UNC5C: variants seen among roughly 807,000 people sequenced by gnomAD.
UNC5C encodes the protein netrin receptor UNC5C.
In UNC5C, 47 loss-of-function variants were observed where a neutral mutation model predicts 99.8. The observed-to-expected ratio is 0.47, with a 90% CI of 0.37 to 0.60. The LOEUF (loss-of-function observed/expected upper bound fraction) is 0.60, where lower values mean the gene tolerates loss of function less well. UNC5C is among the 20% of genes least tolerant of loss of function. The pLI, the probability that UNC5C is intolerant of heterozygous loss-of-function variation, is 0.00. For synonymous variants in UNC5C, 487 were observed against 452.2 expected (o/e 1.08, Z -0.98); for missense variants, 1,062 against 1,165.9 (o/e 0.91, Z 1.30).
chr4:95,184,334 C>CCAGTT (rs573817514), intron 13 of UNC5C, among the ~76,000 whole-genome samples: 152 of 152,280 alleles, frequency 1.0e-3, no homozygotes, highest in African/African-American at 3.4e-3. Flanking sequence ...GAAATAGCTA[C>CCAGTT]CAGTTCAGAG....
At chr4:95,337,315 C>T (rs1422837061) in intron 1 of UNC5C, among the ~76,000 whole-genome samples, 1 of 151,984 alleles carries the variant, frequency 6.6e-6, no homozygotes, top group Non-Finnish European at 1.5e-5. Context: ...TATAATAAAT[C>T]TTTCAGCCAT....
chr4:95,238,562 ATTG>A lies in UNC5C; in HGVS notation c.1108+3864_1108+3866del, dbSNP rs906812086. 3.3e-5 allele frequency among the ~76,000 whole-genome samples: 5 copies of A among 152,258 alleles called. No homozygotes were observed. The South Asian group carries it at 6.2e-4, about 19-fold the overall frequency. On this transcript the variant is annotated intron_variant, in intron 7 of 15. Transcript: ENST00000453304. ...GGTCTCATCTTATTTTAAGGAACCA[ATTG>A]TTGTTTTTCATTTTCAGTAGTTTAC... is the stretch of plus-strand genomic sequence containing the variant.
chr4:95,208,512 C>T (rs929342280), intron 10 of UNC5C, among the ~76,000 whole-genome samples: 3 of 152,182 alleles, frequency 2.0e-5, no homozygotes, highest in Non-Finnish European at 4.4e-5. Context: ...TCTTCATGCT[C>T]TATCTTCCCT....
intron 12 of UNC5C, among the ~76,000 whole-genome samples, chr4:95,185,439 G>A (rs1462984874): frequency 1.3e-5 from 2 of 152,078 alleles, no homozygotes; most frequent in East Asian, 1.9e-4. Flanking sequence ...CACTGTTGAG[G>A]AGCAATTTCA....
intron 1 of UNC5C, among the ~76,000 whole-genome samples, chr4:95,394,124 T>C (rs937500451): frequency 6.6e-6 from 1 of 152,172 alleles, no homozygotes; most frequent in African/African-American, 2.4e-5. Context: ...TACTGTGAAA[T>C]AAATCTACTC....
At chr4:95,197,446 A>G (rs530232815) in intron 12 of UNC5C, among the ~76,000 whole-genome samples, 2 of 152,242 alleles carry the variant, frequency 1.3e-5, no homozygotes, top group Admixed American at 1.3e-4. Flanking sequence ...CTGAAGATGG[A>G]GGTGGTCAGG....
chr4:95,214,504 C>T (rs1239819760), intron 10 of UNC5C, among the ~76,000 whole-genome samples: 3 of 152,188 alleles, frequency 2.0e-5, no homozygotes, highest in Non-Finnish European at 4.4e-5. Context: ...CTCTTTCTTT[C>T]ATCTAAAATG....
At chr4:95,203,883 G>A (rs1737780680) in intron 11 of UNC5C, among the ~76,000 whole-genome samples, 1 of 152,180 alleles carries the variant, frequency 6.6e-6, no homozygotes, top group East Asian at 1.9e-4. Flanking sequence ...GATCATGTGA[G>A]CAGTTGTTCC....
intron 11 of UNC5C, 61 bp from the exon 12 acceptor site, chr4:95,203,025 G>A (rs1737746914): frequency 6.6e-7 from 1 of 1,509,406 alleles, no homozygotes; most frequent in African/African-American, 1.4e-5. Flanking sequence ...GGCCACCAGG[G>A]ATGGTGGTGA....
At chr4:95,171,599 T>A (rs1361875356) in intron 14 of UNC5C, among the ~76,000 whole-genome samples, 2 of 152,142 alleles carry the variant, frequency 1.3e-5, no homozygotes, top group African/African-American at 4.8e-5. Flanking sequence ...TAGTATTCCA[T>A]GGTGTATATG....
chr4:95,185,785 T>TA (rs759704439), intron 12 of UNC5C, among the ~76,000 whole-genome samples: 49 of 152,138 alleles, frequency 3.2e-4, no homozygotes, highest in Non-Finnish European at 5.9e-4. Flanking sequence ...TCCCAATTAT[T>TA]AAAAAAATTA....
intron 3 of UNC5C, among the ~76,000 whole-genome samples, chr4:95,290,095 G>A (rs1741388404): frequency 1.3e-5 from 2 of 151,966 alleles, no homozygotes; most frequent in African/African-American, 4.8e-5. Flanking sequence ...TTGAGGCCAG[G>A]GAGTTTGGAA....
At position 95,169,321 on chromosome 4, in the gene UNC5C, A is replaced by G. The variant is rs187902349; in HGVS notation, c.2709T>C (p.Asp903=). The G allele has an allele frequency of 3.1e-4, 499 of 1,614,212 alleles. 5 individuals are homozygous for G. The East Asian group carries it at 9.7e-3, about 31-fold the overall frequency. The change falls in exon 16 of 16, where the codon GAT becomes GAC. Residue 903 remains aspartate, a synonymous_variant. Coordinates refer to ENST00000453304, the MANE Select transcript of UNC5C (RefSeq NM_003728.4). The part of the protein sequence containing the change: ...LDLWEAQNFP[D]GNLSMLAAVL... ...CAGCTGCCAGCATGCTCAGGTTTCC[A>G]TCTGGGAAGTTCTGTGCTTCCCAAA...
intron 1 of UNC5C, among the ~76,000 whole-genome samples, chr4:95,463,155 G>A (rs1438709416): frequency 1.3e-5 from 2 of 152,136 alleles, no homozygotes; most frequent in Admixed American, 6.6e-5. Flanking sequence ...TAAAGAAAGG[G>A]CTGATGAATA....
At chr4:95,520,346 T>G (rs998442282) in intron 1 of UNC5C, among the ~76,000 whole-genome samples, 1 of 152,204 alleles carries the variant, frequency 6.6e-6, no homozygotes, top group South Asian at 2.1e-4. Context: ...CTTAAACATT[T>G]TTCATTTTTT....
intron 1 of UNC5C, among the ~76,000 whole-genome samples, chr4:95,459,360 CAA>C (rs1747533129): frequency 2.6e-5 from 4 of 152,042 alleles, no homozygotes; most frequent in Non-Finnish European, 5.9e-5. Flanking sequence ...TCAAAATATA[CAA>C]AGTCATTCAG....
At chr4:95,404,170 C>T (rs72659961) in intron 1 of UNC5C, among the ~76,000 whole-genome samples, 144 of 152,144 alleles carry the variant, frequency 9.5e-4, no homozygotes, top group African/African-American at 3.4e-3. Flanking sequence ...ATTTTCACAA[C>T]GTTCTTGGGG....
At chr4:95,239,976 A>G (rs1014767135) in intron 7 of UNC5C, among the ~76,000 whole-genome samples, 30 of 152,286 alleles carry the variant, frequency 2.0e-4, no homozygotes, top group Admixed American at 1.8e-3. Flanking sequence ...ACCTACATTT[A>G]TATCAGAATT....
chr4:95,546,367 A>T lies in UNC5C; in HGVS notation c.124+2367T>A, dbSNP rs1723068032. Among the ~76,000 whole-genome samples, 3 of 152,344 alleles carry T rather than the reference A, an allele frequency of 2.0e-5. No homozygotes were observed. In the South Asian group the frequency reaches 6.2e-4, roughly 32 times the overall value. ...AAAGTGTTAACGGTGGCTCAAGATA[A>T]ACAGGCTGGGTTACTGTACTGCAGT... On this transcript the variant is annotated intron_variant, in intron 1 of 15. Coordinates refer to ENST00000453304, the MANE Select transcript of UNC5C (RefSeq NM_003728.4).
Sources: allele counts gnomAD v4.1 joint callset (sites outside exome capture counted in the v4.1 genomes callset), GRCh38; gene constraint gnomAD v4.1.1; transcripts MANE v1.5; gene names NCBI Gene and HGNC (gene_info 2026-07-23, HGNC 2026-07-21).